The following CEP112 variants were observed in gnomAD, a reference collection of about 807,000 sequenced individuals.
The protein encoded by CEP112 is centrosomal protein of 112 kDa.
A neutral mutation model predicts 153.0 loss-of-function variants in CEP112; 127 were observed. That is an observed-to-expected ratio of 0.83 (90% CI 0.72 to 0.96). The LOEUF (loss-of-function observed/expected upper bound fraction) is 0.96. CEP112 is among the 40% of genes least tolerant of loss of function. The pLI, the probability that CEP112 is intolerant of heterozygous loss-of-function variation, is 0.00. For missense variants in CEP112, 1,089 were observed against 1,101.2 expected, an observed-to-expected ratio of 0.99 and a Z score of 0.16; for synonymous variants, 358 against 374.4, an observed-to-expected ratio of 0.96 and a Z score of 0.51.
chr17:65,655,375 A>C (rs889893639), intron 24 of CEP112: 1 of 1,551,826 alleles, frequency 6.4e-7, no homozygotes, highest in Admixed American at 1.7e-5. Flanking sequence ...TACGAAAGGA[A>C]GCTCAACTCC....
At chr17:65,717,471 G>A (rs1180007574) in intron 23 of CEP112, among the ~76,000 whole-genome samples, 1 of 152,188 alleles carries the variant, frequency 6.6e-6, no homozygotes, top group East Asian at 1.9e-4. Context: ...GCCATATTAT[G>A]ACGACTATCC....
rs182799824 is a variant in CEP112 at position 65,737,217 on chromosome 17, G to A, written c.2607+5851C>T. On this transcript the variant is annotated intron_variant, in intron 23 of 26. Coordinates refer to ENST00000535342, the MANE Select transcript of CEP112 (RefSeq NM_001199165.4). ...AAATGCACCAACAGAACAATATCGG[G>A]TGGTAAGGTAGACATCATACAAAAA... 7.0e-4 allele frequency among the ~76,000 whole-genome samples: 106 copies of A among 152,272 alleles called. 1 individual carries two copies. Among genetic ancestry groups the A allele is most frequent in the African/African-American group, 2.6e-3 (106 of 41,550 alleles).
intron 4 of CEP112, among the ~76,000 whole-genome samples, chr17:66,171,909 G>A (rs1171558534): frequency 6.6e-6 from 1 of 152,040 alleles, no homozygotes; most frequent in Non-Finnish European, 1.5e-5. Flanking sequence ...CTCCTTCATT[G>A]TCATTCCTCA....
chr17:65,757,599 A>C (rs2052364905), intron 21 of CEP112, among the ~76,000 whole-genome samples: 1 of 152,220 alleles, frequency 6.6e-6, no homozygotes, highest in Non-Finnish European at 1.5e-5. Context: ...GCTAACAGCT[A>C]AATAGAGTAG....
At chr17:65,913,519 A>C (rs972974988) in intron 19 of CEP112, 2 of 985,306 alleles carry the variant, frequency 2.0e-6, no homozygotes, top group Admixed American at 6.1e-5. Context: ...CAAGAACAGA[A>C]ATAGAATGTG....
Position 65,686,858 on chromosome 17 carries a change from T to C in CEP112, c.2697+2271A>G, listed in dbSNP as rs534556533. Reference sequence around the variant, plus strand: ...ATAAGTTTACTTTCTCTATCATTGCTATCCAGTTTTTTTTTTATTTGCTAG... The same window carrying C: ...ATAAGTTTACTTTCTCTATCATTGCCATCCAGTTTTTTTTTTATTTGCTAG... On this transcript the variant is annotated intron_variant, in intron 24 of 26. Transcript: ENST00000535342. 3.1e-5 allele frequency among the ~76,000 whole-genome samples: 3 copies of C among 95,704 alleles called. No individual in the cohort carries two copies. In the South Asian group the frequency reaches 9.1e-4, roughly 29 times the overall value. The allele number at this position is 95,704 out of a possible 152,430, so 62.8% of individuals were successfully genotyped here.
chr17:65,887,603 T>C (rs899575022), intron 20 of CEP112, among the ~76,000 whole-genome samples: 8 of 152,134 alleles, frequency 5.3e-5, no homozygotes, highest in South Asian at 4.1e-4. Context: ...AGCACACCCA[T>C]GGAAGCAGCT....
chr17:65,699,101 C>T (rs2048495137), intron 23 of CEP112, among the ~76,000 whole-genome samples: 2 of 152,154 alleles, frequency 1.3e-5, no homozygotes, highest in Non-Finnish European at 2.9e-5. Context: ...ATTATATTCC[C>T]TATATGATAA....
chr17:65,920,097 C>A (rs1289749289), intron 19 of CEP112, among the ~76,000 whole-genome samples: 2 of 151,818 alleles, frequency 1.3e-5, no homozygotes, highest in Non-Finnish European at 2.9e-5. Flanking sequence ...GTAATCCCAG[C>A]ACTTTGGGAG....
chr17:66,029,158 G>T lies in CEP112; in HGVS notation c.1468C>A (p.Leu490Ile). 6.2e-7 allele frequency: 1 copy of T among 1,605,588 alleles called. No individual in the cohort carries two copies. The highest frequency in any genetic ancestry group is 8.5e-7 in the Non-Finnish European group (1 of 1,173,832). ...GAAAGAGCATGTTCTTGTTTTAGAA[G>T]GTTTATATCAGCATCATATTTGGTT... is the stretch of plus-strand genomic sequence containing the variant. ...LQTKYDADINLLKQEHALSAS... is the reference protein window; with the variant it reads ...LQTKYDADINILKQEHALSAS... Residue 490 changes from leucine to isoleucine, a missense_variant, in exon 14 of 27, where the codon CTT becomes ATT. Physicochemically the swap from Leu to Ile is conservative, Grantham distance 5. Coordinates refer to ENST00000535342, the MANE Select transcript of CEP112 (RefSeq NM_001199165.4).
intron 6 of CEP112, among the ~76,000 whole-genome samples, chr17:66,106,233 T>C (rs984658370): frequency 1.3e-5 from 2 of 151,966 alleles, no homozygotes; most frequent in Admixed American, 1.3e-4. Flanking sequence ...AACCTAATGA[T>C]ACATCTTAAA....
chr17:65,893,306 C>G (rs780286551), intron 20 of CEP112, among the ~76,000 whole-genome samples: 1 of 152,140 alleles, frequency 6.6e-6, no homozygotes, highest in Non-Finnish European at 1.5e-5. Flanking sequence ...GTGACTAATA[C>G]TTTCAGTATT....
chr17:65,830,906 G>A (rs370448747), intron 21 of CEP112, among the ~76,000 whole-genome samples: 1 of 152,050 alleles, frequency 6.6e-6, no homozygotes, highest in East Asian at 1.9e-4. Context: ...AAGCATTTAA[G>A]TTCTGGAGTC....
intron 8 of CEP112, among the ~76,000 whole-genome samples, chr17:66,086,822 C>T (rs1414085089): frequency 2.0e-5 from 3 of 151,990 alleles, no homozygotes; most frequent in Non-Finnish European, 4.4e-5. Flanking sequence ...TATTTCCCTC[C>T]TTACATATGT....
At chr17:65,653,932 A>T (rs2045921395) in intron 24 of CEP112, among the ~76,000 whole-genome samples, 1 of 151,542 alleles carries the variant, frequency 6.6e-6, no homozygotes, top group South Asian at 2.1e-4. Flanking sequence ...GGTGGTGCGC[A>T]CCTGTAGTCC....
At chr17:65,730,604 A>C (rs1378486494) in intron 23 of CEP112, among the ~76,000 whole-genome samples, 1 of 152,196 alleles carries the variant, frequency 6.6e-6, no homozygotes, top group African/African-American at 2.4e-5. Flanking sequence ...AACAGGTCCC[A>C]AACAATGCCA....
At chr17:65,855,108 T>C (rs996914985) in intron 20 of CEP112, among the ~76,000 whole-genome samples, 2 of 152,168 alleles carry the variant, frequency 1.3e-5, no homozygotes, top group African/African-American at 4.8e-5. Flanking sequence ...AAGCAAATTT[T>C]GAGAAGCTCC....
chr17:66,038,626 T>C (rs1162432891), intron 12 of CEP112, among the ~76,000 whole-genome samples: 2 of 152,128 alleles, frequency 1.3e-5, no homozygotes, highest in African/African-American at 2.4e-5. Context: ...TAACAGACAA[T>C]GCAGAAGCAG....
chr17:65,941,792 T>TG (rs1354325462), intron 18 of CEP112, among the ~76,000 whole-genome samples: 2 of 150,646 alleles, frequency 1.3e-5, no homozygotes, highest in Non-Finnish European at 3.0e-5. Context: ...GTTTTGTTGT[T>TG]TTTTTTTTGG....
Sources: gnomAD v4.1 joint callset for allele counts (sites outside exome capture counted in the v4.1 genomes callset) on GRCh38, gnomAD v4.1.1 for gene constraint, MANE v1.5 for transcripts, NCBI Gene and HGNC (gene_info 2026-07-23, HGNC 2026-07-21) for gene names.